RALGAPB: variants seen among roughly 807,000 people sequenced by gnomAD.
The protein encoded by RALGAPB is ral GTPase-activating protein subunit beta.
RALGAPB carries 25 observed loss-of-function variants against 161.1 expected under a neutral mutation model. The ratio of observed to expected loss-of-function variants is 0.16; its 90% CI spans 0.11 to 0.22. RALGAPB has a LOEUF of 0.22. Ranked by LOEUF, RALGAPB falls within the 10% of genes least tolerant of loss-of-function variation. The pLI is 1.00. For synonymous variants in RALGAPB, 629 were observed against 626.1 expected, an observed-to-expected ratio of 1.00 and a Z score of -0.07; for missense variants, 1,391 against 1,815.2, an observed-to-expected ratio of 0.77 and a Z score of 4.25.
chr20:38,478,646 C>T (rs956540082), intron 1 of RALGAPB, among the ~76,000 whole-genome samples: 1 of 151,624 alleles, frequency 6.6e-6, no homozygotes, highest in Non-Finnish European at 1.5e-5. Context: ...GACAGAGTTT[C>T]GCTCTTGTTG....
chr20:38,498,980 TTCTGAA>T (rs1432556709), intron 4 of RALGAPB, among the ~76,000 whole-genome samples: 2 of 152,336 alleles, frequency 1.3e-5, no homozygotes, highest in African/African-American at 4.8e-5. Flanking sequence ...TACTTAAACT[TTCTGAA>T]TCTAAGTTTT....
intron 22 of RALGAPB, among the ~76,000 whole-genome samples, chr20:38,556,907 T>C (rs1245769203): frequency 6.6e-6 from 1 of 152,210 alleles, no homozygotes; most frequent in East Asian, 1.9e-4. Context: ...GACATGAGGC[T>C]GTTTGTAGTT....
Position 38,525,953 on chromosome 20 carries a change from C to G in RALGAPB, c.1961C>G (p.Thr654Ser). The G allele has an allele frequency of 6.2e-7, 1 of 1,613,844 alleles. No individual in the cohort carries two copies. The highest frequency in any genetic ancestry group is 1.1e-5 in the South Asian group (1 of 91,052). Reference protein sequence around the residue: ...DDSSSYDKPITFLSLKLRLVN... With the variant: ...DDSSSYDKPISFLSLKLRLVN... ...AGCTCTTCTTATGATAAACCAATAA[C>G]TTTTCTGTCCCTGAAGTTGAGACTT... is the stretch of plus-strand genomic sequence containing the variant. Residue 654 changes from threonine to serine, a missense_variant, in exon 13 of 30, where the codon ACT becomes AGT. By Grantham distance (58) the Thr-to-Ser change is moderately conservative. Coordinates refer to ENST00000262879, the MANE Select transcript of RALGAPB (RefSeq NM_020336.4).
Position 38,574,092 on chromosome 20 carries a change from G to A in RALGAPB, c.4143-58G>A, listed in dbSNP as rs572879569. Reference sequence around the variant, plus strand: ...CTATATGTGGGGGACTTCAACTCTTGGGTGTCTCGGGGACTTCAACTCTTG... The same window carrying A: ...CTATATGTGGGGGACTTCAACTCTTAGGTGTCTCGGGGACTTCAACTCTTG... On this transcript the variant is annotated intron_variant, in intron 28 of 29. Transcript: ENST00000262879. The A allele has an allele frequency of 4.7e-6, 7 of 1,501,902 alleles. No homozygotes were observed. In the East Asian group the frequency reaches 7.0e-5, roughly 15 times the overall value. The allele number at this position is 1,501,902 out of a possible 1,614,324, so 93.0% of individuals were successfully genotyped here.
At chr20:38,518,406 G>A (rs553393812) in intron 9 of RALGAPB, among the ~76,000 whole-genome samples, 2 of 152,284 alleles carry the variant, frequency 1.3e-5, no homozygotes, top group East Asian at 1.9e-4. Flanking sequence ...ATTAGTATAT[G>A]TAAACATCAG....
In RALGAPB at chr20:38,575,867, T is replaced by C. The variant is rs183426669; in HGVS notation, c.*900T>C. 4 of 152,708 alleles carry C rather than the reference T, an allele frequency of 2.6e-5. No individual in the cohort carries two copies. The highest frequency in any genetic ancestry group is 6.5e-5 in the Admixed American group (1 of 15,298). The allele number at this position is 152,708 out of a possible 1,614,324, so 9.5% of individuals were successfully genotyped here. On this transcript the variant is annotated 3_prime_UTR_variant, in exon 30 of 30. Transcript: ENST00000262879. The stretch of plus-strand genomic sequence containing the variant: ...ATTTGGTTTCATCCATTGTCTCTTA[T>C]TTCAGGACCAAGCAGCAAACTGCAG...
intron 22 of RALGAPB, among the ~76,000 whole-genome samples, chr20:38,557,030 A>G (rs1035431798): frequency 6.6e-6 from 1 of 152,220 alleles, no homozygotes; most frequent in Admixed American, 6.5e-5. Context: ...CTAGAAGGCT[A>G]GACTCACAAT....
In RALGAPB at chr20:38,526,021, A is replaced by G; in HGVS notation, c.2029A>G (p.Asn677Asp). The change falls in exon 13 of 30, where the codon AAC becomes GAC. Residue 677 changes from asparagine to aspartate, a missense_variant. Around this residue, in one of 3 missense-constraint regions of RALGAPB, gnomAD observed 946 missense variants for 1,257.2 expected, o/e 0.75. Coordinates refer to ENST00000262879, the MANE Select transcript of RALGAPB (RefSeq NM_020336.4). Reference sequence around the variant, plus strand: ...TGCCTTGCAAACTGAAACGGACCCCAACAACACCCAAATGATATTAGGTTT... The same window carrying G: ...TGCCTTGCAAACTGAAACGGACCCCGACAACACCCAAATGATATTAGGTTT... ...IGALQTETDP[N>D]NTQMILGAML... 6.2e-7 allele frequency: 1 copy of G among 1,613,888 alleles called. No individual in the cohort carries two copies. Among genetic ancestry groups the G allele is most frequent in the Non-Finnish European group, 8.5e-7 (1 of 1,179,932 alleles).
At chr20:38,517,114 A>T (rs568818578) in intron 7 of RALGAPB, among the ~76,000 whole-genome samples, 11 of 152,208 alleles carry the variant, frequency 7.2e-5, no homozygotes, top group Non-Finnish European at 1.6e-4. Flanking sequence ...TTCTTTGCAC[A>T]GTGCCTCATG....
chr20:38,559,961 A>G (rs1023367767), intron 23 of RALGAPB, among the ~76,000 whole-genome samples: 3 of 152,280 alleles, frequency 2.0e-5, no homozygotes. Context: ...ATGATCCTGG[A>G]ATTTTACTGT....
intron 25 of RALGAPB, 53 bp downstream of exon 25, chr20:38,565,531 G>A (rs2087964968): frequency 3.8e-6 from 6 of 1,582,242 alleles, no homozygotes; most frequent in Non-Finnish European, 5.2e-6. Context: ...ATATTCCTGG[G>A]TTGTGTGATA....
chr20:38,542,915 A>G (rs2087020925), intron 18 of RALGAPB, among the ~76,000 whole-genome samples: 1 of 152,174 alleles, frequency 6.6e-6, no homozygotes, highest in Admixed American at 6.5e-5. Context: ...CTTAAAGAGT[A>G]AGAAGGATAT....
chr20:38,498,519 T>G (rs1206739748), intron 4 of RALGAPB, among the ~76,000 whole-genome samples: 4 of 152,336 alleles, frequency 2.6e-5, no homozygotes, highest in African/African-American at 7.2e-5. Context: ...ATACTCTGTC[T>G]GGTATTGACA....
chr20:38,573,371 C>G (rs1412668427), intron 28 of RALGAPB, among the ~76,000 whole-genome samples: 1 of 151,350 alleles, frequency 6.6e-6, no homozygotes, highest in African/African-American at 2.4e-5. Flanking sequence ...CCAAAATCAC[C>G]TTACCTATAT....
At chr20:38,494,492 G>A (rs986742327) in intron 3 of RALGAPB, among the ~76,000 whole-genome samples, 15 of 152,264 alleles carry the variant, frequency 9.9e-5, no homozygotes, top group African/African-American at 3.4e-4. Context: ...TTAGCCGGGT[G>A]TGGCGGCATG....
intron 3 of RALGAPB, among the ~76,000 whole-genome samples, chr20:38,493,952 T>C (rs554420364): frequency 6.6e-6 from 1 of 152,296 alleles, no homozygotes; most frequent in East Asian, 1.9e-4. Flanking sequence ...CTCTAAGACC[T>C]CCTAAAGATC....
chr20:38,502,711 T>C (rs1474468600), intron 5 of RALGAPB, among the ~76,000 whole-genome samples: 1 of 152,228 alleles, frequency 6.6e-6, no homozygotes, highest in Non-Finnish European at 1.5e-5. Context: ...CAAGTGATTC[T>C]CGTGCCTCAG....
At chr20:38,520,693 CTG>C (rs775557444) in intron 9 of RALGAPB, among the ~76,000 whole-genome samples, 13 of 151,500 alleles carry the variant, frequency 8.6e-5, no homozygotes, top group Non-Finnish European at 1.3e-4. Flanking sequence ...ATGCTTGACT[CTG>C]TATTCTATTA....
At chr20:38,530,758 G>A (rs895823738) in intron 13 of RALGAPB, among the ~76,000 whole-genome samples, 4 of 151,220 alleles carry the variant, frequency 2.6e-5, no homozygotes, top group Non-Finnish European at 4.4e-5. Flanking sequence ...CACCATACCC[G>A]GCTAATTTTT....
Sources: allele counts gnomAD v4.1 joint callset (sites outside exome capture counted in the v4.1 genomes callset), GRCh38; gene constraint gnomAD v4.1.1; regional missense constraint gnomAD v4.1.1; transcripts MANE v1.5; gene names NCBI Gene and HGNC (gene_info 2026-07-23, HGNC 2026-07-21).